ERBIN: variants seen among roughly 807,000 people sequenced by gnomAD.
ERBIN encodes erbb2 interacting protein.
ERBIN carries 60 observed loss-of-function variants against 158.4 expected under a neutral mutation model. That is an observed-to-expected ratio of 0.38 (90% CI 0.31 to 0.47). The LOEUF (loss-of-function observed/expected upper bound fraction) is 0.47, where lower values mean the gene tolerates loss of function less well. Among genes scored for constraint, ERBIN ranks in the 20% least tolerant of loss-of-function variants. The pLI is 0.99. For missense variants in ERBIN, 1,610 were observed against 1,648.0 expected (o/e 0.98, Z 0.40); for synonymous variants, 594 against 557.2 (o/e 1.07, Z -0.93).
intron 12 of ERBIN, 124 bp from the exon 13 acceptor site, chr5:66,026,178 G>A (rs867783095): frequency 4.0e-5 from 28 of 704,792 alleles, no homozygotes; most frequent in Non-Finnish European, 5.8e-5. Context: ...TAAAAAGAAA[G>A]TCTAGTCATT....
intron 1 of ERBIN, among the ~76,000 whole-genome samples, chr5:65,939,142 A>G (rs1744450777): frequency 6.6e-6 from 1 of 152,188 alleles, no homozygotes; most frequent in South Asian, 2.1e-4. Flanking sequence ...AAGAAAATCA[A>G]TAAAAAAATA....
At chr5:66,056,620 T>C (rs370913619) in intron 21 of ERBIN, among the ~76,000 whole-genome samples, 22 of 152,260 alleles carry the variant, frequency 1.4e-4, no homozygotes, top group African/African-American at 5.3e-4. Context: ...GACAGTAGTT[T>C]CCTAGTTGTT....
intron 1 of ERBIN, among the ~76,000 whole-genome samples, chr5:65,941,639 A>G (rs1014904047): frequency 3.3e-5 from 5 of 152,320 alleles, no homozygotes; most frequent in East Asian, 1.9e-4. Flanking sequence ...CATGTATGAT[A>G]AACATGTAAA....
intron 21 of ERBIN, among the ~76,000 whole-genome samples, chr5:66,060,559 AGTTATTTC>A (rs1245302478): frequency 1.3e-5 from 2 of 151,802 alleles, no homozygotes; most frequent in Non-Finnish European, 2.9e-5. Flanking sequence ...CTCTGATCTT[AGTTATTTC>A]TTGTCTTCTG....
At chr5:65,996,186 G>A (rs1752410253) in intron 4 of ERBIN, among the ~76,000 whole-genome samples, 1 of 147,578 alleles carries the variant, frequency 6.8e-6, no homozygotes, top group Non-Finnish European at 1.5e-5. Flanking sequence ...CATTGTTATA[G>A]CCATTGCCAG....
chr5:66,025,639 A>AC, intron 11 of ERBIN, 87 bp downstream of exon 11: 2 of 1,107,610 alleles, frequency 1.8e-6, no homozygotes, highest in South Asian at 2.7e-5. Flanking sequence ...TGCATAAATG[A>AC]CCTAAAGATT....
intron 1 of ERBIN, among the ~76,000 whole-genome samples, chr5:65,951,221 C>G (rs1360664440): frequency 6.6e-6 from 1 of 152,056 alleles, no homozygotes; most frequent in African/African-American, 2.4e-5. Context: ...TTTTTCACAT[C>G]TTTTTCCCTC....
intron 1 of ERBIN, among the ~76,000 whole-genome samples, chr5:65,985,692 G>A (rs962436523): frequency 6.6e-6 from 1 of 152,088 alleles, no homozygotes; most frequent in African/African-American, 2.4e-5. Flanking sequence ...ATCTGCTGTT[G>A]TATCTCTTCA....
chr5:65,954,450 G>A (rs1746861110), intron 1 of ERBIN, among the ~76,000 whole-genome samples: 1 of 152,174 alleles, frequency 6.6e-6, no homozygotes, highest in Non-Finnish European at 1.5e-5. Context: ...TTTGTTCCAT[G>A]TAAGACAGTC....
At chr5:65,956,137 T>C (rs964024446) in intron 1 of ERBIN, among the ~76,000 whole-genome samples, 5 of 152,146 alleles carry the variant, frequency 3.3e-5, no homozygotes, top group African/African-American at 1.2e-4. Flanking sequence ...TCCAATGTTA[T>C]GTTAGAATGT....
chr5:65,986,578 A>G (rs1751260852), intron 1 of ERBIN, among the ~76,000 whole-genome samples: 1 of 152,236 alleles, frequency 6.6e-6, no homozygotes, highest in Non-Finnish European at 1.5e-5. Flanking sequence ...AAACACATAA[A>G]TGGATATTAC....
At chr5:66,004,246 A>G (rs1753323440) in intron 4 of ERBIN, among the ~76,000 whole-genome samples, 1 of 151,862 alleles carries the variant, frequency 6.6e-6, no homozygotes. Flanking sequence ...ATGCCTGGCC[A>G]GCAGAATTTT....
At chr5:65,948,703 A>G (rs1329970240) in intron 1 of ERBIN, among the ~76,000 whole-genome samples, 2 of 151,402 alleles carry the variant, frequency 1.3e-5, no homozygotes, top group Non-Finnish European at 2.9e-5. Flanking sequence ...CATGAGTAAC[A>G]GACAATTTCA....
rs758865287 is a variant in ERBIN, at chr5:66,075,094, C to A, written c.3827C>A (p.Pro1276His). The change falls in exon 23 of 26, where the codon CCC (proline) becomes CAC (histidine). Residue 1276 changes from proline (P) to histidine (H), a missense_variant. Physicochemically the swap from Pro to His is moderately conservative, Grantham distance 77. Coordinates refer to ENST00000284037, the MANE Select transcript of ERBIN (RefSeq NM_001253697.2). The stretch of plus-strand genomic sequence containing the variant: ...GCAAATTATAGTCAAATACATCACC[C>A]CCCTCAGGCATCTGTGGCAAGGCAT... ...PQANYSQIHH[P>H]PQASVARHPS... 6 of 1,613,972 alleles carry A rather than the reference C, an allele frequency of 3.7e-6. No homozygotes were observed. The highest frequency in any genetic ancestry group is 1.7e-5 in the Admixed American group (1 of 60,002).
chr5:66,039,579 C>T (rs1757741854), intron 15 of ERBIN, among the ~76,000 whole-genome samples: 1 of 152,008 alleles, frequency 6.6e-6, no homozygotes, highest in African/African-American at 2.4e-5. Flanking sequence ...CCACATGGCA[C>T]TGCTTACAGC....
intron 21 of ERBIN, among the ~76,000 whole-genome samples, chr5:66,068,352 G>A (rs1321963974): frequency 2.6e-5 from 4 of 151,732 alleles, no homozygotes; most frequent in African/African-American, 7.2e-5. Flanking sequence ...TTTTGAAGTG[G>A]TATTTTTTGC....
intron 1 of ERBIN, among the ~76,000 whole-genome samples, chr5:65,976,079 A>G (rs1749818906): frequency 6.6e-6 from 1 of 152,242 alleles, no homozygotes; most frequent in South Asian, 2.1e-4. Flanking sequence ...GTACTCTGGC[A>G]TAGACATAAA....
Position 66,078,401 on chromosome 5 carries a change from A to T in ERBIN, c.4132-22A>T, listed in dbSNP as rs753758044. On this transcript the variant is annotated intron_variant, in intron 25 of 25. Transcript: ENST00000284037. ...TAAATAACTATAAAATGTTTTTCCTAAAAGCATTTTTCCTCTTCTAGGCTA... is the reference window on the plus strand; with the variant it reads ...TAAATAACTATAAAATGTTTTTCCTTAAAGCATTTTTCCTCTTCTAGGCTA... 6 of 1,423,046 alleles carry T rather than the reference A, an allele frequency of 4.2e-6. No homozygotes were observed. The Admixed American group carries it at 1.3e-4, about 31-fold the overall frequency. 88.2% of individuals were successfully genotyped at this position (1,423,046 alleles called of 1,614,324 possible).
intron 1 of ERBIN, among the ~76,000 whole-genome samples, chr5:65,980,842 A>C (rs73762638): frequency 6.6e-6 from 1 of 152,192 alleles, no homozygotes; most frequent in East Asian, 1.9e-4. Flanking sequence ...AGAATAGACA[A>C]ATTTACAACT....
Sources: allele counts gnomAD v4.1 joint callset (sites outside exome capture counted in the v4.1 genomes callset), GRCh38; gene constraint gnomAD v4.1.1; transcripts MANE v1.5; gene names NCBI Gene and HGNC (gene_info 2026-07-23, HGNC 2026-07-21).